The following TMEFF1 variants were observed in gnomAD, a reference collection of about 807,000 sequenced individuals.
The protein encoded by TMEFF1 is tomoregulin-1.
Under a neutral mutation model 47.5 loss-of-function variants are expected in TMEFF1, and 20 were observed. The observed-to-expected ratio is 0.42, with a 90% CI of 0.30 to 0.61. The LOEUF (loss-of-function observed/expected upper bound fraction) is 0.61, where lower values mean the gene tolerates loss of function less well. Ranked by LOEUF, TMEFF1 falls within the 20% of genes least tolerant of loss-of-function variation. The pLI is 0.19. For missense variants in TMEFF1, 411 were observed against 471.1 expected (o/e 0.87, Z 1.18); for synonymous variants, 162 against 166.3 (o/e 0.97, Z 0.20).
At chr9:100,492,719 A>G (rs1324338957) in intron 1 of TMEFF1, among the ~76,000 whole-genome samples, 2 of 152,216 alleles carry the variant, frequency 1.3e-5, no homozygotes, top group African/African-American at 4.8e-5. Context: ...GGGAGGCCAG[A>G]AGTGTCAACT....
chr9:100,559,962 C>T (rs1313881643), intron 7 of TMEFF1, among the ~76,000 whole-genome samples: 1 of 151,898 alleles, frequency 6.6e-6, no homozygotes, highest in Non-Finnish European at 1.5e-5. Context: ...TTTTTTCTGT[C>T]TATATGTAAA....
intron 2 of TMEFF1, among the ~76,000 whole-genome samples, chr9:100,504,378 A>C (rs1221709714): frequency 6.6e-6 from 1 of 152,172 alleles, no homozygotes; most frequent in Non-Finnish European, 1.5e-5. Flanking sequence ...TGAATTTCAG[A>C]GACATTAAGT....
intron 5 of TMEFF1, among the ~76,000 whole-genome samples, chr9:100,519,546 T>C (rs1281514819): frequency 6.6e-6 from 1 of 151,944 alleles, no homozygotes; most frequent in Non-Finnish European, 1.5e-5. Context: ...AGTACAGTGC[T>C]TTTCTTACCA....
intron 1 of TMEFF1, among the ~76,000 whole-genome samples, chr9:100,479,671 G>T (rs1327256475): frequency 6.6e-6 from 1 of 152,248 alleles, no homozygotes; most frequent in African/African-American, 2.4e-5. Context: ...TTTTCAATGT[G>T]CATCCATGTT....
intron 9 of TMEFF1, among the ~76,000 whole-genome samples, chr9:100,573,917 T>C (rs1839299494): frequency 6.6e-6 from 1 of 152,188 alleles, no homozygotes; most frequent in Non-Finnish European, 1.5e-5. Context: ...ATGTAACAAA[T>C]AATGATAACA....
intron 5 of TMEFF1, among the ~76,000 whole-genome samples, chr9:100,538,232 A>G (rs961754606): frequency 1.3e-5 from 2 of 152,052 alleles, no homozygotes; most frequent in Admixed American, 1.3e-4. Flanking sequence ...TTGTTTTTGT[A>G]GTTTTAGTAG....
intron 7 of TMEFF1, among the ~76,000 whole-genome samples, chr9:100,553,545 G>T (rs1468358572): frequency 6.6e-6 from 1 of 152,016 alleles, no homozygotes; most frequent in Non-Finnish European, 1.5e-5. Context: ...TGGAGCATTT[G>T]TATGTCTAGA....
At chr9:100,509,329 A>G (rs1011914950) in intron 3 of TMEFF1, among the ~76,000 whole-genome samples, 195 bp downstream of exon 3, 2 of 152,120 alleles carry the variant, frequency 1.3e-5, no homozygotes, top group Non-Finnish European at 2.9e-5. Context: ...GTATAGACTT[A>G]TGTTACTCCT....
At chr9:100,502,709 A>G (rs1837787261) in intron 2 of TMEFF1, among the ~76,000 whole-genome samples, 1 of 152,158 alleles carries the variant, frequency 6.6e-6, no homozygotes, top group African/African-American at 2.4e-5. Context: ...AAACTCTAAG[A>G]TTATAAAGAA....
At chr9:100,509,791 A>G (rs1564013749) in intron 3 of TMEFF1, among the ~76,000 whole-genome samples, 2 of 151,412 alleles carry the variant, frequency 1.3e-5, no homozygotes, top group Non-Finnish European at 2.9e-5. Context: ...AAAAAAAAAA[A>G]GGTGAGGAAT....
chr9:100,519,277 A>C (rs2118397588), intron 5 of TMEFF1, among the ~76,000 whole-genome samples: 1 of 152,092 alleles, frequency 6.6e-6, no homozygotes, highest in Non-Finnish European at 1.5e-5. Flanking sequence ...GTGTGGTGGC[A>C]TGCACCTGTA....
At chr9:100,503,507 A>G (rs1837804208) in intron 2 of TMEFF1, among the ~76,000 whole-genome samples, 1 of 150,216 alleles carries the variant, frequency 6.7e-6, no homozygotes, top group African/African-American at 2.5e-5. Context: ...TAGACCCTTT[A>G]TTAGTCACAG....
rs190040742 is a variant in TMEFF1 at position 100,551,961 on chromosome 9, G to A, written c.775+1801G>A. On this transcript the variant is annotated intron_variant, in intron 7 of 9. Coordinates refer to ENST00000374879, the MANE Select transcript of TMEFF1 (RefSeq NM_003692.5). The stretch of plus-strand genomic sequence containing the variant: ...GGAACTTGAGTGAACCATGAAGGAC[G>A]AACAGGAGTCAGAAGGATATCTAAG... 1.4e-4 allele frequency among the ~76,000 whole-genome samples: 21 copies of A among 152,282 alleles called. No homozygotes were observed. In the East Asian group the frequency reaches 1.7e-3, roughly 13 times the overall value.
intron 2 of TMEFF1, among the ~76,000 whole-genome samples, chr9:100,502,715 A>G (rs1360735264): frequency 6.6e-6 from 1 of 152,190 alleles, no homozygotes; most frequent in Non-Finnish European, 1.5e-5. Context: ...TAAGATTATA[A>G]AGAAATAGCC....
intron 7 of TMEFF1, among the ~76,000 whole-genome samples, chr9:100,556,858 T>C (rs967830199): frequency 2.0e-5 from 3 of 152,022 alleles, no homozygotes; most frequent in Non-Finnish European, 4.4e-5. Flanking sequence ...ACCTTCTTAT[T>C]TTTTTGAGAC....
chr9:100,576,724 C>A lies in TMEFF1; in HGVS notation c.*124C>A. On this transcript the variant is annotated 3_prime_UTR_variant, in exon 10 of 10. Transcript: ENST00000374879. The stretch of plus-strand genomic sequence containing the variant: ...CATTTTTAGTGTAGTACTGTTGGCT[C>A]GTATTTAGAATATTCAGCTACGACA... The A allele has an allele frequency of 8.7e-7, 1 of 1,149,450 alleles. No homozygotes were observed. Among genetic ancestry groups the A allele is most frequent in the Non-Finnish European group, 1.2e-6 (1 of 827,454 alleles). 71.2% of individuals were successfully genotyped at this position (1,149,450 alleles called of 1,614,324 possible). A position where few individuals can be genotyped will look rare whatever the true frequency, so the allele number is the denominator to read the frequency against.
intron 5 of TMEFF1, among the ~76,000 whole-genome samples, chr9:100,518,137 A>G (rs1054482753): frequency 6.6e-6 from 1 of 152,174 alleles, no homozygotes; most frequent in Non-Finnish European, 1.5e-5. Context: ...ATTGAAACAT[A>G]TTCCATCTAG....
intron 5 of TMEFF1, among the ~76,000 whole-genome samples, chr9:100,533,293 A>C (rs1435011357): frequency 6.6e-6 from 1 of 152,172 alleles, no homozygotes; most frequent in African/African-American, 2.4e-5. Context: ...TTTTAAGAAC[A>C]ACTGATTTAG....
chr9:100,557,343 A>G (rs574579725), intron 7 of TMEFF1, among the ~76,000 whole-genome samples: 2 of 152,168 alleles, frequency 1.3e-5, no homozygotes, highest in Middle Eastern at 3.4e-3. Context: ...ATTTTCATGT[A>G]AAACCCGGCT....
Sources: gnomAD v4.1 joint callset for allele counts (sites outside exome capture counted in the v4.1 genomes callset) on GRCh38, gnomAD v4.1.1 for gene constraint, MANE v1.5 for transcripts, NCBI Gene and HGNC (gene_info 2026-07-23, HGNC 2026-07-21) for gene names.